The following ZNF33B variants were observed in gnomAD, a reference collection of about 807,000 sequenced individuals.
ZNF33B encodes the protein zinc finger protein 33B.
ZNF33B carries 29 observed loss-of-function variants against 45.8 expected under a neutral mutation model. The observed-to-expected ratio is 0.63, with a 90% CI of 0.47 to 0.86. ZNF33B has a LOEUF of 0.86. Ranked by LOEUF, ZNF33B falls within the 40% of genes least tolerant of loss-of-function variation. ZNF33B has a pLI of 0.00. For synonymous variants in ZNF33B, 305 were observed against 307.8 expected (o/e 0.99, Z 0.10); for missense variants, 831 against 909.9 (o/e 0.91, Z 1.12).
chr10:42,623,828 A>G (rs539461987), intron 4 of ZNF33B, among the ~76,000 whole-genome samples: 1 of 152,358 alleles, frequency 6.6e-6, no homozygotes, highest in South Asian at 2.1e-4. Context: ...ATTTCATGTT[A>G]TATATATTTT....
chr10:42,600,034 C>T (rs1416271902), intron 4 of ZNF33B, among the ~76,000 whole-genome samples: 3 of 151,872 alleles, frequency 2.0e-5, no homozygotes, highest in Non-Finnish European at 1.5e-5. Context: ...ATTTAAACCC[C>T]TTATGGTGGG....
intron 4 of ZNF33B, among the ~76,000 whole-genome samples, chr10:42,598,037 A>T (rs1409247285): frequency 6.6e-6 from 1 of 152,212 alleles, no homozygotes; most frequent in Non-Finnish European, 1.5e-5. Context: ...TTCATCCAAA[A>T]TTTTAAATGA....
chr10:42,604,998 TTAAG>T (rs1837778642), intron 4 of ZNF33B, among the ~76,000 whole-genome samples: 1 of 148,754 alleles, frequency 6.7e-6, no homozygotes, highest in South Asian at 2.1e-4. Flanking sequence ...TCAATAGAGA[TTAAG>T]TAATCTGAAG....
At chr10:42,606,470 G>C (rs1199921009) in intron 4 of ZNF33B, among the ~76,000 whole-genome samples, 2 of 151,424 alleles carry the variant, frequency 1.3e-5, no homozygotes, top group Non-Finnish European at 2.9e-5. Context: ...ATCTCAGGGG[G>C]AAAAAAAATA....
At chr10:42,605,928 T>G (rs951645800) in intron 4 of ZNF33B, among the ~76,000 whole-genome samples, 1 of 151,332 alleles carries the variant, frequency 6.6e-6, no homozygotes, top group Non-Finnish European at 1.5e-5. Flanking sequence ...AGACCCTATC[T>G]CTAAAAAAAA....
intron 4 of ZNF33B, among the ~76,000 whole-genome samples, chr10:42,608,592 A>G (rs892928644): frequency 6.6e-6 from 1 of 152,190 alleles, no homozygotes; most frequent in Non-Finnish European, 1.5e-5. Flanking sequence ...AAAAAATGCT[A>G]TGAGGTAAAA....
At chr10:42,638,085 G>A (rs1352491108) in intron 1 of ZNF33B, among the ~76,000 whole-genome samples, 3 of 152,372 alleles carry the variant, frequency 2.0e-5, no homozygotes, top group Middle Eastern at 3.4e-3. Context: ...ACGCAGAACG[G>A]GCAACAGAGT....
At chr10:42,627,422 T>C (rs1365635700) in intron 4 of ZNF33B, among the ~76,000 whole-genome samples, 1 of 152,236 alleles carries the variant, frequency 6.6e-6, no homozygotes, top group Admixed American at 6.5e-5. Context: ...GTCATCTCAT[T>C]TTATATTTTT....
intron 4 of ZNF33B, among the ~76,000 whole-genome samples, chr10:42,626,071 A>G (rs210289): frequency 0.95 from 144,121 of 152,324 alleles, 68,269 homozygotes; most frequent in East Asian, 1. Flanking sequence ...TGTCTTGTAT[A>G]GAGATTTTTT....
intron 2 of ZNF33B, among the ~76,000 whole-genome samples, chr10:42,634,224 G>A (rs1839185580): frequency 1.3e-5 from 2 of 151,590 alleles, no homozygotes. Flanking sequence ...GGCCAACATG[G>A]AGAAGCCCTG....
rs1837257470 is a variant in ZNF33B, at chr10:42,593,709, T to G, written c.1241A>C (p.Gln414Pro). ...AAAAGTTTTCCCACATGCATTACAC[T>G]GATAGGGTTTCTCCCCTGTATGTGT... ...QRTHTGEKPY[Q>P]CNACGKTFYQ... The change falls in exon 5 of 5, where the codon CAG becomes CCG. Residue 414 changes from glutamine (Q) to proline (P), a missense_variant. By Grantham distance (76) the Gln-to-Pro change is moderately conservative. Transcript: ENST00000359467. The G allele has an allele frequency of 6.2e-7, 1 of 1,613,426 alleles. No individual in the cohort carries two copies. The highest frequency in any genetic ancestry group is 8.5e-7 in the Non-Finnish European group (1 of 1,179,634).
downstream of ZNF33B, among the ~76,000 whole-genome samples, chr10:42,587,525 G>C (rs1253833505): frequency 1.3e-5 from 2 of 152,120 alleles, no homozygotes; most frequent in Non-Finnish European, 2.9e-5. Flanking sequence ...AAAGTGCTGC[G>C]ATTTGTTGAG....
At chr10:42,583,108 T>C (rs1280459733) in intron 1 of ZNF33B, 2 of 786,740 alleles carry the variant, frequency 2.5e-6, no homozygotes, top group Non-Finnish European at 4.5e-6. Context: ...GATCAGTGCA[T>C]GAACACCTCA....
chr10:42,617,899 T>C (rs1212984645), intron 4 of ZNF33B, among the ~76,000 whole-genome samples: 1 of 152,172 alleles, frequency 6.6e-6, no homozygotes, highest in Admixed American at 6.5e-5. Context: ...AAGCCAATAA[T>C]AAAGCCTAGG....
At chr10:42,637,241 A>G (rs114998954) in intron 1 of ZNF33B, among the ~76,000 whole-genome samples, 2,600 of 152,338 alleles carry the variant, frequency 0.017, 78 homozygotes, top group African/African-American at 0.06. Flanking sequence ...AATCTCCCTC[A>G]GTCTTCACAA....
intron 2 of ZNF33B, among the ~76,000 whole-genome samples, chr10:42,636,458 G>T (rs1839303780): frequency 6.6e-6 from 1 of 152,172 alleles, no homozygotes; most frequent in South Asian, 2.1e-4. Context: ...ACTTGGCCCT[G>T]CTATTGATCT....
intron 4 of ZNF33B, among the ~76,000 whole-genome samples, chr10:42,595,943 T>C (rs1222511319): frequency 6.6e-6 from 1 of 151,932 alleles, no homozygotes; most frequent in Non-Finnish European, 1.5e-5. Flanking sequence ...GAAACTACAC[T>C]TGACTGAAAC....
At chr10:42,575,443 C>T (rs958367604) in intron 1 of ZNF33B, among the ~76,000 whole-genome samples, 7 of 152,172 alleles carry the variant, frequency 4.6e-5, no homozygotes, top group Non-Finnish European at 8.8e-5. Context: ...GCACTACTAG[C>T]TCCGAGAACT....
At chr10:42,618,602 T>C (rs1475401039) in intron 4 of ZNF33B, among the ~76,000 whole-genome samples, 2 of 152,214 alleles carry the variant, frequency 1.3e-5, no homozygotes, top group Admixed American at 6.5e-5. Context: ...TATTATCACT[T>C]TTATAAGGCA....
Sources: gnomAD v4.1 joint callset for allele counts (sites outside exome capture counted in the v4.1 genomes callset) on GRCh38, gnomAD v4.1.1 for gene constraint, MANE v1.5 for transcripts, NCBI Gene and HGNC (gene_info 2026-07-23, HGNC 2026-07-21) for gene names.